Variants in EYA2 observed in about 807,000 individuals in gnomAD.
EYA2 encodes protein phosphatase EYA2.
EYA2 carries 31 observed loss-of-function variants against 69.2 expected under a neutral mutation model. The ratio of observed to expected loss-of-function variants is 0.45; its 90% CI spans 0.34 to 0.60. The LOEUF (loss-of-function observed/expected upper bound fraction) is 0.60, where lower values mean the gene tolerates loss of function less well. Ranked by LOEUF, EYA2 falls within the 20% of genes least tolerant of loss-of-function variation. The probability of loss-of-function intolerance (pLI) is 0.02; values close to 1 mark genes in which losing one functional copy is unlikely to be tolerated. For missense variants in EYA2, 622 were observed against 701.2 expected (o/e 0.89, Z 1.28); for synonymous variants, 257 against 279.4 (o/e 0.92, Z 0.80).
intron 1 of EYA2, among the ~76,000 whole-genome samples, chr20:46,915,412 G>T (rs1406335439): frequency 6.6e-6 from 1 of 152,216 alleles, no homozygotes. Flanking sequence ...AGAGAGGCCT[G>T]GGTGGCAGAA....
intron 10 of EYA2, among the ~76,000 whole-genome samples, chr20:47,167,334 T>C (rs1568822095): frequency 7.1e-6 from 1 of 140,176 alleles, no homozygotes; most frequent in Non-Finnish European, 1.5e-5. Flanking sequence ...CAGGCTGGCG[T>C]GCAGTGGTGT....
chr20:47,028,227 T>C (rs1397297168), intron 5 of EYA2, among the ~76,000 whole-genome samples: 3 of 152,352 alleles, frequency 2.0e-5, no homozygotes, highest in Admixed American at 2.0e-4. Context: ...AGCTGGCACG[T>C]TGACCTTGGA....
intron 1 of EYA2, among the ~76,000 whole-genome samples, chr20:46,935,000 T>C (rs1245142554): frequency 1.3e-5 from 2 of 152,244 alleles, no homozygotes; most frequent in Non-Finnish European, 2.9e-5. Context: ...TCCCTGATTA[T>C]ATTCTAATCA....
chr20:46,909,215 A>C (rs1383947389), intron 1 of EYA2, among the ~76,000 whole-genome samples: 1 of 152,090 alleles, frequency 6.6e-6, no homozygotes, highest in Non-Finnish European at 1.5e-5. Flanking sequence ...CACTGTTTAG[A>C]ATGGCAAAGA....
chr20:47,168,211 A>T (rs2034245325), intron 10 of EYA2, among the ~76,000 whole-genome samples: 1 of 136,932 alleles, frequency 7.3e-6, no homozygotes, highest in South Asian at 2.3e-4. Flanking sequence ...GTTTTTTTTG[A>T]GACAGAGTCT....
intron 9 of EYA2, among the ~76,000 whole-genome samples, chr20:47,129,159 T>G (rs2033273007): frequency 6.6e-6 from 1 of 152,122 alleles, no homozygotes; most frequent in African/African-American, 2.4e-5. Flanking sequence ...GCATCTGCCA[T>G]TCAAGCTCTG....
At chr20:46,980,372 T>C (rs2146311944) in intron 1 of EYA2, among the ~76,000 whole-genome samples, 1 of 152,340 alleles carries the variant, frequency 6.6e-6, no homozygotes, top group Non-Finnish European at 1.5e-5. Flanking sequence ...GAGACTGGCC[T>C]CTCTCCTCCA....
intron 10 of EYA2, among the ~76,000 whole-genome samples, chr20:47,160,051 G>T (rs536917129): frequency 6.6e-5 from 10 of 152,184 alleles, no homozygotes; most frequent in Non-Finnish European, 1.3e-4. Context: ...TGTGAGGACT[G>T]TGCTTTTATT....
chr20:47,111,452 C>G (rs1600716745), intron 9 of EYA2, among the ~76,000 whole-genome samples: 1 of 152,184 alleles, frequency 6.6e-6, no homozygotes, highest in South Asian at 2.1e-4. Flanking sequence ...GCTGGCAGAT[C>G]AGCTGGTAGA....
At chr20:47,070,226 T>C (rs1428947471) in intron 5 of EYA2, among the ~76,000 whole-genome samples, 2 of 152,026 alleles carry the variant, frequency 1.3e-5, no homozygotes, top group Admixed American at 1.3e-4. Flanking sequence ...TTGACTAGGG[T>C]TTGATGGGAA....
At chr20:46,919,720 C>T (rs542418182) in intron 1 of EYA2, among the ~76,000 whole-genome samples, 1 of 152,340 alleles carries the variant, frequency 6.6e-6, no homozygotes, top group South Asian at 2.1e-4. Context: ...CTTTTAATTT[C>T]CTTCAAAAAT....
chr20:47,018,061 G>T (rs1269091018), intron 5 of EYA2, among the ~76,000 whole-genome samples: 1 of 152,188 alleles, frequency 6.6e-6, no homozygotes, highest in Non-Finnish European at 1.5e-5. Context: ...TCTCCAAGTG[G>T]GGAGTGAATG....
In EYA2 at chr20:46,948,386, G is replaced by A. The variant is rs554311391; in HGVS notation, c.-10-41615G>A. On this transcript the variant is annotated intron_variant, in intron 1 of 15. Transcript: ENST00000327619. Reference sequence around the variant, plus strand: ...GGCTGGGTTTGGCTCATAGGCTGTGGGTTGCCAACCCTGGTCTACTCTATT... The same window carrying A: ...GGCTGGGTTTGGCTCATAGGCTGTGAGTTGCCAACCCTGGTCTACTCTATT... 1.8e-4 allele frequency among the ~76,000 whole-genome samples: 28 copies of A among 152,260 alleles called. 1 individual carries two copies. The South Asian group carries it at 5.6e-3, about 30-fold the overall frequency.
chr20:47,147,189 C>G (rs540088846), intron 10 of EYA2, among the ~76,000 whole-genome samples: 6 of 151,350 alleles, frequency 4.0e-5, no homozygotes, highest in Non-Finnish European at 8.8e-5. Flanking sequence ...GTTGAGATTA[C>G]AGGCACACGC....
chr20:46,953,626 C>T lies in EYA2; in HGVS notation c.-10-36375C>T, dbSNP rs138159614. 2.4e-3 allele frequency among the ~76,000 whole-genome samples: 367 copies of T among 152,216 alleles called. 1 individual carries two copies. Among genetic ancestry groups the T allele is most frequent in the African/African-American group, 7.7e-3 (318 of 41,532 alleles). On this transcript the variant is annotated intron_variant, in intron 1 of 15. Transcript: ENST00000327619. The stretch of plus-strand genomic sequence containing the variant: ...GTCCTGTGCCTTGTAGGATGGTTAG[C>T]AGTATTCCTGGCCTCTCCCTCCCCA...
chr20:47,014,628 ATGTGTGTGTGTGTGTGTGTG>A lies in EYA2; in HGVS notation c.299-1530_299-1511del, dbSNP rs56005987. Among the ~76,000 whole-genome samples, 6 of 144,708 alleles carry A rather than the reference ATGTGTGTGTGTGTGTGTGTG, an allele frequency of 4.1e-5. No individual in the cohort carries two copies. In the South Asian group the frequency reaches 1.1e-3, roughly 27 times the overall value. The allele number at this position is 144,708 out of a possible 152,430, so 94.9% of individuals were successfully genotyped here. ...AGATAGACTTGCACATGTGCACAAA[ATGTGTGTGTGTGTGTGTGTG>A]TGTGTGTGTGTGTGTGTGTGTGGTG... On this transcript the variant is annotated intron_variant, in intron 4 of 15. Coordinates refer to ENST00000327619, the MANE Select transcript of EYA2 (RefSeq NM_005244.5).
chr20:46,907,093 C>T lies in EYA2; in HGVS notation c.-11+12106C>T, dbSNP rs571049330. Among the ~76,000 whole-genome samples, 40 of 152,246 alleles carry T rather than the reference C, an allele frequency of 2.6e-4. No homozygotes were observed. The South Asian group carries it at 5.4e-3, about 21-fold the overall frequency. On this transcript the variant is annotated intron_variant, in intron 1 of 15. Coordinates refer to ENST00000327619, the MANE Select transcript of EYA2 (RefSeq NM_005244.5). Reference sequence around the variant, plus strand: ...GATGACATGAAAATAACGGACTCTGCATAACAAATGCATTGAAGACCACGA... The same window carrying T: ...GATGACATGAAAATAACGGACTCTGTATAACAAATGCATTGAAGACCACGA...
intron 1 of EYA2, among the ~76,000 whole-genome samples, chr20:46,936,752 C>T (rs1045667741): frequency 2.0e-5 from 3 of 152,120 alleles, no homozygotes; most frequent in South Asian, 2.1e-4. Flanking sequence ...CTAGGCTGAC[C>T]GGAGGGGTGT....
At chr20:46,924,393 G>A (rs1335529752) in intron 1 of EYA2, among the ~76,000 whole-genome samples, 2 of 151,994 alleles carry the variant, frequency 1.3e-5, no homozygotes, top group African/African-American at 2.4e-5. Flanking sequence ...AGTGTAGGCC[G>A]GGCACGCTGG....
Sources: allele counts gnomAD v4.1 joint callset (sites outside exome capture counted in the v4.1 genomes callset), GRCh38; gene constraint gnomAD v4.1.1; transcripts MANE v1.5; gene names NCBI Gene and HGNC (gene_info 2026-07-23, HGNC 2026-07-21).